PLEKHA6: variants seen among roughly 807,000 people sequenced by gnomAD.
PLEKHA6 encodes the protein pleckstrin homology domain containing A6.
Under a neutral mutation model 116.7 loss-of-function variants are expected in PLEKHA6, and 60 were observed. The ratio of observed to expected loss-of-function variants is 0.51; its 90% CI spans 0.42 to 0.64. The LOEUF (loss-of-function observed/expected upper bound fraction) is 0.64. PLEKHA6 is among the 30% of genes least tolerant of loss of function. The pLI, the probability that PLEKHA6 is intolerant of heterozygous loss-of-function variation, is 0.00. For missense variants in PLEKHA6, 1,338 were observed against 1,422.7 expected (o/e 0.94, Z 0.96); for synonymous variants, 489 against 556.1 (o/e 0.88, Z 1.70).
chr1:204,324,926 A>G (rs984006573), intron 1 of PLEKHA6, among the ~76,000 whole-genome samples: 1 of 151,738 alleles, frequency 6.6e-6, no homozygotes, highest in South Asian at 2.1e-4. Flanking sequence ...TTATTTATTT[A>G]TTTATTTTTG....
Position 204,257,674 on chromosome 1 carries a change from G to T in PLEKHA6, c.1203C>A (p.Gly401=). 1 of 1,610,310 alleles carries T rather than the reference G, an allele frequency of 6.2e-7. No individual in the cohort carries two copies. The highest frequency in any genetic ancestry group is 1.3e-5 in the African/African-American group (1 of 75,000). The change falls in exon 9 of 23, where the codon GGC becomes GGA. Residue 401 remains glycine, a synonymous_variant. Coordinates refer to ENST00000272203, the MANE Select transcript of PLEKHA6 (RefSeq NM_014935.5). The surrounding 1 kb of genome is among the most constrained non-coding windows in gnomAD (Gnocchi z 6.5). ...DKRHAFRNGG[G]PAYQLREWKE... ...TCCACTCTCGCAGCTGGTAGGCAGG[G>T]CCACCCCCATTGCGGAAGGCATGGC... is the stretch of plus-strand genomic sequence containing the variant.
chr1:204,335,187 G>A (rs1261080750), intron 1 of PLEKHA6, among the ~76,000 whole-genome samples: 1 of 152,026 alleles, frequency 6.6e-6, no homozygotes, highest in Admixed American at 6.5e-5. Flanking sequence ...CCTCCCAAGG[G>A]TTAACCTGCA....
chr1:204,245,118 C>G (rs1571848979), intron 14 of PLEKHA6, 115 bp from the exon 15 acceptor site: 1 of 703,696 alleles, frequency 1.4e-6, no homozygotes, highest in Non-Finnish European at 2.2e-6. Flanking sequence ...TGTGGAAGGG[C>G]AGATTTAGTG....
At position 204,237,099 on chromosome 1, in the gene PLEKHA6, G is replaced by A. The variant is rs538942323; in HGVS notation, c.2409+4276C>T. ...ATGTTGATTCCAGGGGACCCAAAAC[G>A]TTATTGTGGTCCTCCAGTTAAAGTA... is the stretch of plus-strand genomic sequence containing the variant. On this transcript the variant is annotated intron_variant, in intron 17 of 22. Coordinates refer to ENST00000272203, the MANE Select transcript of PLEKHA6 (RefSeq NM_014935.5). 4.6e-5 allele frequency among the ~76,000 whole-genome samples: 7 copies of A among 152,300 alleles called. No homozygotes were observed. The East Asian group carries it at 1.4e-3, about 29-fold the overall frequency.
intron 1 of PLEKHA6, among the ~76,000 whole-genome samples, chr1:204,355,499 G>A (rs560079120): frequency 6.6e-6 from 1 of 152,144 alleles, no homozygotes; most frequent in African/African-American, 2.4e-5. Flanking sequence ...GAGTACAGTG[G>A]CACGATCTCG....
Position 204,228,670 on chromosome 1 carries a change from C to T in PLEKHA6, c.2885+58G>A. 6.4e-7 allele frequency: 1 copy of T among 1,568,212 alleles called. No homozygotes were observed. Among genetic ancestry groups the T allele is most frequent in the Non-Finnish European group, 8.8e-7 (1 of 1,139,216 alleles). On this transcript the variant is annotated intron_variant, in intron 20 of 22. Coordinates refer to ENST00000272203, the MANE Select transcript of PLEKHA6 (RefSeq NM_014935.5). The surrounding 1 kb of genome is among the most constrained non-coding windows in gnomAD (Gnocchi z 4.0). ...GTGCCCCCAACGACTTCTAGTGGCC[C>T]AGGTGTCCTAGGTGCCAGGGTGAGC...
chr1:204,264,509 C>T (rs541606263), intron 6 of PLEKHA6, among the ~76,000 whole-genome samples: 3 of 152,294 alleles, frequency 2.0e-5, no homozygotes, highest in Non-Finnish European at 2.9e-5. Context: ...CCTGAAACCA[C>T]GGTGGGGAGG....
chr1:204,300,090 A>C (rs964818852), intron 1 of PLEKHA6, among the ~76,000 whole-genome samples: 14 of 152,204 alleles, frequency 9.2e-5, no homozygotes, highest in Admixed American at 9.2e-4. Context: ...TTGCCCAGAC[A>C]ACAGACCAGG....
intron 3 of PLEKHA6, among the ~76,000 whole-genome samples, chr1:204,273,179 C>T (rs1667653915): frequency 6.6e-6 from 1 of 152,180 alleles, no homozygotes; most frequent in Non-Finnish European, 1.5e-5. Flanking sequence ...TCACCATGAC[C>T]TTCGTGACTA....
chr1:204,304,849 A>G (rs1403216713), intron 1 of PLEKHA6, among the ~76,000 whole-genome samples: 2 of 152,216 alleles, frequency 1.3e-5, no homozygotes, highest in Non-Finnish European at 2.9e-5. Flanking sequence ...AAATTAATAC[A>G]CATACTATTC....
At chr1:204,310,585 A>C (rs1671620524) in intron 1 of PLEKHA6, among the ~76,000 whole-genome samples, 1 of 152,216 alleles carries the variant, frequency 6.6e-6, no homozygotes, top group Non-Finnish European at 1.5e-5. Context: ...TTTTACGCCA[A>C]AAACGTTTTT....
At chr1:204,226,634 C>T (rs892709284) in intron 21 of PLEKHA6, among the ~76,000 whole-genome samples, 4 of 152,240 alleles carry the variant, frequency 2.6e-5, no homozygotes, top group Middle Eastern at 3.4e-3. Context: ...GAAGCTATCC[C>T]TTCTCTTACC....
chr1:204,250,879 C>T (rs180784780), intron 9 of PLEKHA6, among the ~76,000 whole-genome samples: 2 of 152,172 alleles, frequency 1.3e-5, no homozygotes, highest in African/African-American at 4.8e-5. Flanking sequence ...TTCCTCTCCC[C>T]CAAGCACTAG....
intron 1 of PLEKHA6, among the ~76,000 whole-genome samples, chr1:204,376,758 T>C (rs1673877514): frequency 6.6e-6 from 1 of 152,182 alleles, no homozygotes. Context: ...TCCTTGTAGC[T>C]CCGATGTTTT....
At chr1:204,321,259 C>T (rs116387600) in intron 1 of PLEKHA6, among the ~76,000 whole-genome samples, 1,963 of 152,222 alleles carry the variant, frequency 0.013, 41 homozygotes, top group African/African-American at 0.044. Flanking sequence ...GGCTACAAGC[C>T]TCTCTGATCC....
intron 17 of PLEKHA6, among the ~76,000 whole-genome samples, chr1:204,232,388 T>A (rs1403763379): frequency 2.6e-5 from 4 of 152,190 alleles, no homozygotes; most frequent in Non-Finnish European, 5.9e-5. Flanking sequence ...AGGAAAAGTG[T>A]GCCCTAGAGA....
intron 1 of PLEKHA6, among the ~76,000 whole-genome samples, chr1:204,288,591 C>CA (rs1282016012): frequency 6.6e-6 from 1 of 152,142 alleles, no homozygotes; most frequent in Non-Finnish European, 1.5e-5. Context: ...CAAAGATAGT[C>CA]ACAGCATCCC....
chr1:204,232,630 A>G (rs1393908239), intron 17 of PLEKHA6, among the ~76,000 whole-genome samples: 3 of 152,240 alleles, frequency 2.0e-5, no homozygotes, highest in African/African-American at 7.2e-5. Context: ...GAAAATAACT[A>G]TGGGACCTCT....
chr1:204,237,224 G>A (rs1362139799), intron 17 of PLEKHA6, among the ~76,000 whole-genome samples: 1 of 152,192 alleles, frequency 6.6e-6, no homozygotes, highest in African/African-American at 2.4e-5. Flanking sequence ...CATTTCCCCA[G>A]TGCCAGAATG....
Sources: allele counts gnomAD v4.1 joint callset (sites outside exome capture counted in the v4.1 genomes callset), GRCh38; gene constraint gnomAD v4.1.1; non-coding constraint Gnocchi (gnomAD v3.1); transcripts MANE v1.5; gene names NCBI Gene and HGNC (gene_info 2026-07-23, HGNC 2026-07-21).